The following SEZ6L variants were observed in gnomAD, a reference collection of about 807,000 sequenced individuals.
SEZ6L encodes the protein seizure related 6 homolog like, also known as seizure 6-like protein.
In SEZ6L, 37 loss-of-function variants were observed where a neutral mutation model predicts 106.2. The observed-to-expected ratio is 0.35, with a 90% CI of 0.27 to 0.46. The LOEUF is 0.46. Among genes scored for constraint, SEZ6L ranks in the 20% least tolerant of loss-of-function variants. The pLI is 1.00. For synonymous variants in SEZ6L, 541 were observed against 570.4 expected (o/e 0.95, Z 0.73); for missense variants, 1,172 against 1,332.8 (o/e 0.88, Z 1.88).
At chr22:26,379,159 C>A (rs749232283) in intron 16 of SEZ6L, among the ~76,000 whole-genome samples, 1 of 152,154 alleles carries the variant, frequency 6.6e-6, no homozygotes, top group Non-Finnish European at 1.5e-5. Context: ...CAATTTCTTG[C>A]GGGCTGTCTT....
At chr22:26,292,377 C>A in intron 1 of SEZ6L, 29 bp from the exon 2 acceptor site, 1 of 1,564,488 alleles carries the variant, frequency 6.4e-7, no homozygotes. Context: ...TCTCCCCAAA[C>A]TAACTGGTGT....
chr22:26,207,763 T>C (rs370321028), intron 1 of SEZ6L, among the ~76,000 whole-genome samples: 4 of 152,322 alleles, frequency 2.6e-5, no homozygotes, highest in African/African-American at 9.6e-5. Context: ...GGTTACCACT[T>C]TACATGAAAT....
At chr22:26,320,024 T>C (rs1051485356) in intron 9 of SEZ6L, among the ~76,000 whole-genome samples, 3 of 152,218 alleles carry the variant, frequency 2.0e-5, no homozygotes, top group African/African-American at 4.8e-5. Context: ...ACAGGTTTAT[T>C]ACATGACAGG....
At chr22:26,327,062 C>G (rs374310603) in intron 9 of SEZ6L, among the ~76,000 whole-genome samples, 4 of 152,234 alleles carry the variant, frequency 2.6e-5, no homozygotes, top group African/African-American at 9.6e-5. Flanking sequence ...AATATGTGCA[C>G]GATGCGGACG....
chr22:26,311,152 G>A (rs1476739220), intron 7 of SEZ6L, among the ~76,000 whole-genome samples: 1 of 152,186 alleles, frequency 6.6e-6, no homozygotes, highest in Non-Finnish European at 1.5e-5. Context: ...AGGAAACTGA[G>A]GTTTAAGACA....
intron 3 of SEZ6L, among the ~76,000 whole-genome samples, chr22:26,296,347 G>A (rs2081300035): frequency 6.6e-6 from 1 of 152,068 alleles, no homozygotes; most frequent in African/African-American, 2.4e-5. Flanking sequence ...ACCAATTTAT[G>A]CAGAAAATGG....
intron 1 of SEZ6L, among the ~76,000 whole-genome samples, chr22:26,223,679 TA>T (rs2078551694): frequency 6.6e-6 from 1 of 152,238 alleles, no homozygotes; most frequent in Non-Finnish European, 1.5e-5. Flanking sequence ...AGAACCCACT[TA>T]AAAGGATTAT....
intron 1 of SEZ6L, among the ~76,000 whole-genome samples, chr22:26,232,635 C>A (rs1418253558): frequency 2.6e-5 from 4 of 152,224 alleles, no homozygotes; most frequent in African/African-American, 9.7e-5. Flanking sequence ...GTATTCAATG[C>A]AATTACATGC....
In SEZ6L at chr22:26,305,930, T is replaced by C. The variant is rs1298625031; in HGVS notation, c.1349-49T>C. ...TTTCTCTCTGTCTCTCTCCTCTCTC[T>C]CTCCCTCTCTGCTCTCTCCCATTGC... is the stretch of plus-strand genomic sequence containing the variant. On this transcript the variant is annotated intron_variant, in intron 5 of 16. Coordinates refer to ENST00000248933, the MANE Select transcript of SEZ6L (RefSeq NM_021115.5). 2.0e-6 allele frequency: 3 copies of C among 1,489,600 alleles called. No homozygotes were observed. In the South Asian group the frequency reaches 3.4e-5, roughly 17 times the overall value. The allele number at this position is 1,489,600 out of a possible 1,614,324, so 92.3% of individuals were successfully genotyped here. A position where few individuals can be genotyped will look rare whatever the true frequency, so the allele number is the denominator to read the frequency against.
At chr22:26,201,973 G>A (rs1249802769) in intron 1 of SEZ6L, among the ~76,000 whole-genome samples, 2 of 152,154 alleles carry the variant, frequency 1.3e-5, no homozygotes, top group East Asian at 3.8e-4. Flanking sequence ...GAGTGCAGTG[G>A]TGCAATCTCC....
At chr22:26,309,070 G>A (rs1429848089) in intron 6 of SEZ6L, among the ~76,000 whole-genome samples, 1 of 152,146 alleles carries the variant, frequency 6.6e-6, no homozygotes, top group African/African-American at 2.4e-5. Flanking sequence ...ATACATCTTA[G>A]TGACATTAGA....
chr22:26,222,799 T>C (rs557239367), intron 1 of SEZ6L, among the ~76,000 whole-genome samples: 35 of 152,332 alleles, frequency 2.3e-4, no homozygotes, highest in African/African-American at 8.2e-4. Flanking sequence ...GGCCCATGAC[T>C]TGCTGTTGTT....
intron 6 of SEZ6L, 122 bp downstream of exon 6, chr22:26,306,266 T>A: frequency 9.2e-7 from 1 of 1,087,174 alleles, no homozygotes. Flanking sequence ...AAAGAAGAGC[T>A]GGGGTGGATG....
chr22:26,360,454 C>T (rs1161072355), intron 12 of SEZ6L, among the ~76,000 whole-genome samples: 1 of 152,128 alleles, frequency 6.6e-6, no homozygotes, highest in East Asian at 1.9e-4. Flanking sequence ...ATTGTATGCC[C>T]GGCGCATACA....
At chr22:26,282,648 G>A (rs917004560) in intron 1 of SEZ6L, among the ~76,000 whole-genome samples, 4 of 152,138 alleles carry the variant, frequency 2.6e-5, no homozygotes, top group Non-Finnish European at 4.4e-5. Flanking sequence ...GGTAGAAAGC[G>A]GCATCTAGAG....
intron 15 of SEZ6L, among the ~76,000 whole-genome samples, chr22:26,376,136 T>C (rs533748867): frequency 1.3e-5 from 2 of 152,058 alleles, no homozygotes; most frequent in Non-Finnish European, 2.9e-5. Flanking sequence ...ACTCATTCAT[T>C]CACATTCACA....
intron 5 of SEZ6L, among the ~76,000 whole-genome samples, chr22:26,304,381 A>AAAGAAAGAAAGAAAGAAAGG (rs2081559607): frequency 1.0e-5 from 1 of 97,894 alleles, no homozygotes; most frequent in East Asian, 2.4e-4. Flanking sequence ...AGAAAGAAAG[A>AAAGAAAGAAAGAAAGAAAGG]AAGAAAGAAA....
intron 1 of SEZ6L, among the ~76,000 whole-genome samples, chr22:26,196,535 G>T (rs1940592748): frequency 6.6e-6 from 1 of 152,212 alleles, no homozygotes; most frequent in African/African-American, 2.4e-5. Context: ...ACACAGCCTT[G>T]CAGCAAAATT....
At chr22:26,327,196 G>A (rs1181328231) in intron 9 of SEZ6L, among the ~76,000 whole-genome samples, 1 of 150,872 alleles carries the variant, frequency 6.6e-6, no homozygotes, top group East Asian at 2.0e-4. Flanking sequence ...GTGTCTGTGT[G>A]TGTGTGGCAG....
Sources: allele counts gnomAD v4.1 joint callset (sites outside exome capture counted in the v4.1 genomes callset), GRCh38; gene constraint gnomAD v4.1.1; transcripts MANE v1.5; gene names NCBI Gene and HGNC (gene_info 2026-07-23, HGNC 2026-07-21).